Variants in BLMH observed in about 807,000 individuals in gnomAD.
The protein encoded by BLMH is BLM hydrolase.
Under a neutral mutation model 61.6 loss-of-function variants are expected in BLMH, and 32 were observed. That is an observed-to-expected ratio of 0.52 (90% CI 0.39 to 0.70). The LOEUF (loss-of-function observed/expected upper bound fraction) is 0.70. BLMH is among the 30% of genes least tolerant of loss of function. BLMH has a pLI of 0.00. For missense variants in BLMH, 460 were observed against 555.5 expected (o/e 0.83, Z 1.73); for synonymous variants, 183 against 193.8 (o/e 0.94, Z 0.46).
At chr17:30,279,097 C>T (rs1908507504) in intron 6 of BLMH, among the ~76,000 whole-genome samples, 1 of 152,228 alleles carries the variant, frequency 6.6e-6, no homozygotes, top group South Asian at 2.1e-4. Flanking sequence ...GGCTCAATGA[C>T]ACCTGGCAAC....
intron 11 of BLMH, among the ~76,000 whole-genome samples, chr17:30,264,459 T>C (rs1908044797): frequency 6.6e-6 from 1 of 152,204 alleles, no homozygotes; most frequent in African/African-American, 2.4e-5. Context: ...TAAAGCTAAA[T>C]GGAAAAATTA....
chr17:30,290,256 C>T (rs529735244), intron 2 of BLMH, among the ~76,000 whole-genome samples: 60 of 152,314 alleles, frequency 3.9e-4, no homozygotes, highest in Admixed American at 2.4e-3. Flanking sequence ...CTACACAACT[C>T]ACATGCTATT....
chr17:30,268,883 A>C lies in BLMH; in HGVS notation c.1147-1929T>G, dbSNP rs35820177. Among the ~76,000 whole-genome samples the C allele has an allele frequency of 8.7e-3, 1,102 of 126,328 alleles. 10 individuals carry two copies. Among genetic ancestry groups the C allele is most frequent in the Non-Finnish European group, 0.012 (713 of 61,026 alleles). 82.9% of individuals were successfully genotyped at this position (126,328 alleles called of 152,430 possible). A position where few individuals can be genotyped will look rare whatever the true frequency, so the allele number is the denominator to read the frequency against. ...GAAACCCTATCTCTACTAAAAATAC[A>C]AAAAAAAAAAAAAAAAAATTAGCCA... On this transcript the variant is annotated intron_variant, in intron 10 of 11. Transcript: ENST00000261714.
intron 11 of BLMH, 128 bp downstream of exon 11, chr17:30,266,757 C>A: frequency 1.2e-6 from 1 of 824,104 alleles, no homozygotes; most frequent in South Asian, 1.6e-5. Context: ...TCAGATTTTT[C>A]TGTAGAATAA....
chr17:30,276,179 G>C (rs571071044), intron 6 of BLMH, among the ~76,000 whole-genome samples: 2 of 152,220 alleles, frequency 1.3e-5, no homozygotes, highest in South Asian at 4.1e-4. Context: ...TTGGCTACAG[G>C]ATTTAAAAAG....
chr17:30,271,380 T>C lies in BLMH; in HGVS notation c.1037A>G (p.His346Arg). 1 of 1,611,934 alleles carries C rather than the reference T, an allele frequency of 6.2e-7. No individual in the cohort carries two copies. The highest frequency in any genetic ancestry group is 1.1e-5 in the South Asian group (1 of 91,036). The stretch of plus-strand genomic sequence containing the variant: ...CAAGGAGACACCAAACACTAACTCA[T>C]GGTCATAGCTGTAAAAAGAATGATA... ...LGLSDMNLYD[H>R]ELVFGVSLKN... The change falls in exon 10 of 12, where the codon CAT (histidine) becomes CGT (arginine). Residue 346 changes from histidine (H) to arginine (R), a missense_variant. Physicochemically the swap from His to Arg is conservative, Grantham distance 29. Transcript: ENST00000261714.
At chr17:30,249,239 A>G (rs1907609938) in intron 11 of BLMH, 71 bp from the exon 12 acceptor site, 2 of 1,492,634 alleles carry the variant, frequency 1.3e-6, no homozygotes, top group East Asian at 4.6e-5. Flanking sequence ...TTTTTGTAGG[A>G]TAAACCTTTT....
At chr17:30,288,752 G>A (rs914195936) in intron 3 of BLMH, among the ~76,000 whole-genome samples, 1 of 152,118 alleles carries the variant, frequency 6.6e-6, no homozygotes, top group Non-Finnish European at 1.5e-5. Flanking sequence ...ATCACTTGAG[G>A]TCAGGAGTTC....
At chr17:30,262,510 C>T (rs951041744) in intron 11 of BLMH, among the ~76,000 whole-genome samples, 3 of 152,066 alleles carry the variant, frequency 2.0e-5, no homozygotes, top group African/African-American at 7.2e-5. Context: ...AACTAAATAA[C>T]CTTGGCCGGG....
At chr17:30,279,464 A>G (rs926784219) in intron 6 of BLMH, among the ~76,000 whole-genome samples, 2 of 152,212 alleles carry the variant, frequency 1.3e-5, no homozygotes, top group Non-Finnish European at 2.9e-5. Context: ...ACCTAAAACA[A>G]TGTGGATTAT....
chr17:30,274,277 T>C, intron 6 of BLMH, 80 bp from the exon 7 acceptor site: 2 of 1,473,454 alleles, frequency 1.4e-6, no homozygotes, highest in Non-Finnish European at 1.8e-6. Flanking sequence ...TCCTTAAGCT[T>C]AGGAAACACA....
chr17:30,289,311 G>C lies in BLMH; in HGVS notation c.321+62C>G. 18 of 1,033,150 alleles carry C rather than the reference G, an allele frequency of 1.7e-5. 1 individual carries two copies. The South Asian group carries it at 3.5e-4, about 20-fold the overall frequency. 64.0% of individuals were successfully genotyped at this position (1,033,150 alleles called of 1,614,324 possible). A position where few individuals can be genotyped will look rare whatever the true frequency, so the allele number is the denominator to read the frequency against. On this transcript the variant is annotated intron_variant, in intron 3 of 11. Coordinates refer to ENST00000261714, the MANE Select transcript of BLMH (RefSeq NM_000386.4). ...TATAACTGGAAAAGCTACAAAAGAAGAGGCAGTCCCTACCAAGGCTGATAT... is the reference window on the plus strand; with the variant it reads ...TATAACTGGAAAAGCTACAAAAGAACAGGCAGTCCCTACCAAGGCTGATAT...
intron 6 of BLMH, among the ~76,000 whole-genome samples, chr17:30,281,099 T>G (rs763078551): frequency 2.4e-3 from 365 of 151,548 alleles, no homozygotes; most frequent in Non-Finnish European, 4.0e-3. Context: ...GTTGTTTTTT[T>G]TTTTTTTTTT....
intron 6 of BLMH, among the ~76,000 whole-genome samples, chr17:30,281,803 C>T (rs1416548340): frequency 6.6e-6 from 1 of 152,026 alleles, no homozygotes; most frequent in Non-Finnish European, 1.5e-5. Context: ...CTAGCATATG[C>T]CAACACATCT....
At chr17:30,258,953 A>G (rs1045854538) in intron 11 of BLMH, among the ~76,000 whole-genome samples, 4 of 152,242 alleles carry the variant, frequency 2.6e-5, no homozygotes, top group African/African-American at 9.6e-5. Flanking sequence ...TGCACTTCTC[A>G]GCCACCATTT....
At position 30,251,143 on chromosome 17, in the gene BLMH, T is replaced by C. The variant is rs1907657595; in HGVS notation, c.1217-1975A>G. ...AAGACAACATACCAGTGTACACTGC[T>C]TAGGTGCTGGGTGCACCAAAGTCCC... On this transcript the variant is annotated intron_variant, in intron 11 of 11. Coordinates refer to ENST00000261714, the MANE Select transcript of BLMH (RefSeq NM_000386.4). Among the ~76,000 whole-genome samples the C allele has an allele frequency of 3.9e-5, 6 of 152,220 alleles. No homozygotes were observed. The South Asian group carries it at 1.2e-3, about 32-fold the overall frequency.
At chr17:30,261,316 A>G (rs1907952877) in intron 11 of BLMH, among the ~76,000 whole-genome samples, 1 of 152,162 alleles carries the variant, frequency 6.6e-6, no homozygotes, top group South Asian at 2.1e-4. Context: ...GGGTATAATC[A>G]CCCATGTTCA....
intron 4 of BLMH, 54 bp from the exon 5 acceptor site, chr17:30,286,956 C>A: frequency 8.7e-7 from 1 of 1,151,060 alleles, no homozygotes; most frequent in South Asian, 1.3e-5. Flanking sequence ...GAAACCCTGG[C>A]AAAAATAGTG....
intron 10 of BLMH, 94 bp downstream of exon 10, chr17:30,271,177 T>C (rs892682992): frequency 5.2e-6 from 5 of 969,508 alleles, no homozygotes; most frequent in East Asian, 2.4e-5. Flanking sequence ...AGAAATCATA[T>C]ACACTATGAA....
Sources: allele counts gnomAD v4.1 joint callset (sites outside exome capture counted in the v4.1 genomes callset), GRCh38; gene constraint gnomAD v4.1.1; transcripts MANE v1.5; gene names NCBI Gene and HGNC (gene_info 2026-07-23, HGNC 2026-07-21).